Variants in SLC8A3 observed in about 807,000 individuals in gnomAD.
The protein encoded by SLC8A3 is solute carrier family 8 member A3.
Under a neutral mutation model 65.4 loss-of-function variants are expected in SLC8A3, and 37 were observed. The observed-to-expected ratio is 0.57, with a 90% CI of 0.44 to 0.74. The LOEUF is 0.74. Ranked by LOEUF, SLC8A3 falls within the 30% of genes least tolerant of loss-of-function variation. SLC8A3 has a pLI of 0.00. For missense variants in SLC8A3, 1,112 were observed against 1,172.1 expected, an observed-to-expected ratio of 0.95 and a Z score of 0.75; for synonymous variants, 461 against 444.5, an observed-to-expected ratio of 1.04 and a Z score of -0.47.
At chr14:70,173,610 G>A (rs551340426) in intron 1 of SLC8A3, among the ~76,000 whole-genome samples, 1 of 152,128 alleles carries the variant, frequency 6.6e-6, no homozygotes, top group Admixed American at 6.5e-5. Flanking sequence ...ACACTGCTCC[G>A]GGCATGTCAC....
intron 1 of SLC8A3, among the ~76,000 whole-genome samples, chr14:70,175,428 C>T (rs1897840990): frequency 6.6e-6 from 1 of 152,152 alleles, no homozygotes; most frequent in African/African-American, 2.4e-5. Context: ...GTGTCAAATG[C>T]TAAAGTCTGC....
In SLC8A3 at chr14:70,167,743, C is replaced by T. The variant is rs144172629; in HGVS notation, c.680G>A (p.Gly227Asp). Residue 227 changes from glycine to aspartate, a missense_variant, in exon 2 of 7, where the codon GGT becomes GAT. Gly to Asp is a moderately conservative substitution (Grantham distance 94). Transcript: ENST00000356921. Reference protein sequence around the residue: ...LYMILAVFSPGVVQVWEGLLT... With the variant: ...LYMILAVFSPDVVQVWEGLLT... ...GAGGCCTTCCCAAACCTGGACCACA[C>T]CAGGGGAGAAGACTGCCAGAATCAT... 6.2e-7 allele frequency: 1 copy of T among 1,614,128 alleles called. No homozygotes were observed. The highest frequency in any genetic ancestry group is 1.1e-5 in the South Asian group (1 of 91,078).
intron 2 of SLC8A3, among the ~76,000 whole-genome samples, chr14:70,089,257 T>C (rs980134431): frequency 6.6e-6 from 1 of 152,192 alleles, no homozygotes; most frequent in Non-Finnish European, 1.5e-5. Flanking sequence ...TAGACTGATT[T>C]GGGGAGCCTC....
At position 70,109,455 on chromosome 14, in the gene SLC8A3, A is replaced by G. The variant is rs200511778; in HGVS notation, c.1785-48516T>C. ...TATACATGTATATGTACGTGTGTGT[A>G]TATATATATATATATATAAAACAGA... On this transcript the variant is annotated intron_variant, in intron 2 of 6. Coordinates refer to ENST00000356921, the MANE Select transcript of SLC8A3 (RefSeq NM_182932.3). Among the ~76,000 whole-genome samples the G allele has an allele frequency of 0.015, 156 of 10,520 alleles. 1 individual carries two copies. In the East Asian group the frequency reaches 0.49, roughly 33 times the overall value. The allele number at this position is 10,520 out of a possible 152,430, so 6.9% of individuals were successfully genotyped here.
chr14:70,093,363 A>G (rs1057386402), intron 2 of SLC8A3, among the ~76,000 whole-genome samples: 8 of 152,224 alleles, frequency 5.3e-5, no homozygotes, highest in Non-Finnish European at 1.2e-4. Flanking sequence ...TGTGGGAGAC[A>G]GAACAGCTGA....
chr14:70,120,960 T>G (rs1192229487), intron 2 of SLC8A3, among the ~76,000 whole-genome samples: 2 of 152,140 alleles, frequency 1.3e-5, no homozygotes, highest in Non-Finnish European at 2.9e-5. Context: ...TCTAGGCATC[T>G]TCCTCTATTT....
intron 2 of SLC8A3, among the ~76,000 whole-genome samples, chr14:70,125,191 A>C (rs1369676155): frequency 6.6e-6 from 1 of 152,120 alleles, no homozygotes; most frequent in African/African-American, 2.4e-5. Flanking sequence ...TATTTGTATA[A>C]ATTTAAGGGG....
chr14:70,108,485 G>A (rs531691529), intron 2 of SLC8A3, among the ~76,000 whole-genome samples: 1 of 151,818 alleles, frequency 6.6e-6, no homozygotes, highest in East Asian at 1.9e-4. Context: ...CAATGTCCCT[G>A]TCCTCACAAG....
chr14:70,096,807 T>A (rs749801062), intron 2 of SLC8A3, among the ~76,000 whole-genome samples: 2 of 152,190 alleles, frequency 1.3e-5, no homozygotes, highest in Non-Finnish European at 2.9e-5. Flanking sequence ...TCTGGTTTCA[T>A]CTTTTCCACT....
chr14:70,056,121 A>T (rs963362149), intron 3 of SLC8A3, among the ~76,000 whole-genome samples: 3 of 152,230 alleles, frequency 2.0e-5, no homozygotes, highest in African/African-American at 4.8e-5. Context: ...CCAAATGGGT[A>T]GGTTGGTCAC....
At chr14:70,126,637 C>T (rs1442488454) in intron 2 of SLC8A3, among the ~76,000 whole-genome samples, 1 of 150,772 alleles carries the variant, frequency 6.6e-6, no homozygotes, top group Non-Finnish European at 1.5e-5. Context: ...AATAGTAAGA[C>T]TGTTCAAGGG....
At chr14:70,078,085 TA>T (rs1245489029) in intron 2 of SLC8A3, among the ~76,000 whole-genome samples, 1 of 152,236 alleles carries the variant, frequency 6.6e-6, no homozygotes, top group Non-Finnish European at 1.5e-5. Context: ...TGTTTGTTTA[TA>T]TGGCACATCT....
At chr14:70,148,877 G>A (rs111329512) in intron 2 of SLC8A3, among the ~76,000 whole-genome samples, 3 of 152,138 alleles carry the variant, frequency 2.0e-5, no homozygotes, top group South Asian at 4.1e-4. Flanking sequence ...TGATCAGGGC[G>A]TGAATATGAC....
At position 70,044,941 on chromosome 14, in the gene SLC8A3, A is replaced by G. The variant is rs1488219252; in HGVS notation, c.*1006T>C. 2 of 152,196 alleles carry G rather than the reference A, an allele frequency of 1.3e-5. No individual in the cohort carries two copies. Among genetic ancestry groups the G allele is most frequent in the Non-Finnish European group, 2.9e-5 (2 of 68,038 alleles). The allele number at this position is 152,196 out of a possible 1,614,324, so 9.4% of individuals were successfully genotyped here. A position where few individuals can be genotyped will look rare whatever the true frequency, so the allele number is the denominator to read the frequency against. ...TCTCTTCTCTCCTGCCTCAGGTACAAAGCCAAAGATAATCAAGAAGGCCTG... is the reference window on the plus strand; with the variant it reads ...TCTCTTCTCTCCTGCCTCAGGTACAGAGCCAAAGATAATCAAGAAGGCCTG... On this transcript the variant is annotated 3_prime_UTR_variant, in exon 7 of 7. Coordinates refer to ENST00000356921, the MANE Select transcript of SLC8A3 (RefSeq NM_182932.3).
chr14:70,125,249 T>G (rs1259279960), intron 2 of SLC8A3, among the ~76,000 whole-genome samples: 2 of 152,190 alleles, frequency 1.3e-5, no homozygotes, highest in Admixed American at 1.3e-4. Context: ...TGGTAAAGTG[T>G]GGGCTTTTAG....
rs528329437 is a variant in SLC8A3, at chr14:70,127,339, C to T, written c.1784+39300G>A. ...AGGTCAGATGTCTGGGCCCCATATG[C>T]TGAGCAGGTAGACTTTTTGACCCCG... On this transcript the variant is annotated intron_variant, in intron 2 of 6. Coordinates refer to ENST00000356921, the MANE Select transcript of SLC8A3 (RefSeq NM_182932.3). Among the ~76,000 whole-genome samples, 15 of 152,316 alleles carry T rather than the reference C, an allele frequency of 9.8e-5. 1 individual carries two copies. The South Asian group carries it at 3.1e-3, about 32-fold the overall frequency.
In SLC8A3 at chr14:70,167,276, T is replaced by C; in HGVS notation, c.1147A>G (p.Met383Val). 1.2e-6 allele frequency: 2 copies of C among 1,614,242 alleles called. No individual in the cohort carries two copies. Among genetic ancestry groups the C allele is most frequent in the Non-Finnish European group, 1.7e-6 (2 of 1,180,038 alleles). ...GGCTCATCGGTGTGCACCTCGCTCA[T>C]GCTGGAGGCCTTCTTGGCTTGTTCT... ...AAEQAKKASSMSEVHTDEPED... is the reference protein window; with the variant it reads ...AAEQAKKASSVSEVHTDEPED... The change falls in exon 2 of 7, where the codon ATG becomes GTG. Residue 383 changes from methionine (M) to valine (V), a missense_variant. Met to Val is a conservative substitution (Grantham distance 21). Transcript: ENST00000356921.
chr14:70,122,100 G>A (rs1161856809), intron 2 of SLC8A3, among the ~76,000 whole-genome samples: 3 of 152,192 alleles, frequency 2.0e-5, no homozygotes, highest in East Asian at 1.9e-4. Flanking sequence ...GGACACCCCT[G>A]TGTGAAGAAG....
At chr14:70,132,178 C>T (rs1894881104) in intron 2 of SLC8A3, among the ~76,000 whole-genome samples, 1 of 152,152 alleles carries the variant, frequency 6.6e-6, no homozygotes, top group Non-Finnish European at 1.5e-5. Flanking sequence ...TTGGTGAGTG[C>T]CCCTTTTGGT....
Sources: gnomAD v4.1 joint callset for allele counts (sites outside exome capture counted in the v4.1 genomes callset) on GRCh38, gnomAD v4.1.1 for gene constraint, MANE v1.5 for transcripts, NCBI Gene and HGNC (gene_info 2026-07-23, HGNC 2026-07-21) for gene names.